The following DPF3 variants were observed in gnomAD, a reference collection of about 807,000 sequenced individuals.
DPF3 encodes double PHD fingers 3.
DPF3 carries 18 observed loss-of-function variants against 56.8 expected under a neutral mutation model. That is an observed-to-expected ratio of 0.32 (90% CI 0.22 to 0.47). The LOEUF is 0.47. DPF3 is among the 20% of genes least tolerant of loss of function. The pLI, the probability that DPF3 is intolerant of heterozygous loss-of-function variation, is 1.00. For missense variants in DPF3, 403 were observed against 488.8 expected (o/e 0.82, Z 1.65); for synonymous variants, 188 against 180.2 (o/e 1.04, Z -0.35).
intron 7 of DPF3, among the ~76,000 whole-genome samples, chr14:72,692,363 G>T (rs905099646): frequency 1.3e-5 from 2 of 152,196 alleles, no homozygotes; most frequent in Admixed American, 6.5e-5. Context: ...GACCATAAGG[G>T]ATGTTCTAGA....
At chr14:72,728,529 C>T (rs371785946) in intron 4 of DPF3, among the ~76,000 whole-genome samples, 4 of 152,122 alleles carry the variant, frequency 2.6e-5, no homozygotes, top group African/African-American at 9.7e-5. Context: ...TCATCCTTTT[C>T]GATTTATTTA....
At chr14:72,885,644 C>A (rs1643849533) in intron 1 of DPF3, among the ~76,000 whole-genome samples, 1 of 152,020 alleles carries the variant, frequency 6.6e-6, no homozygotes, top group African/African-American at 2.4e-5. Context: ...CTCAAGGGAT[C>A]CTCCTGCCTC....
Position 72,612,513 on chromosome 14 carries a change from C to A in DPF3, c.*6784G>T, listed in dbSNP as rs754042646. 1.9e-6 allele frequency: 1 copy of A among 518,618 alleles called. No individual in the cohort carries two copies. The allele number at this position is 518,618 out of a possible 1,614,324, so 32.1% of individuals were successfully genotyped here. A position where few individuals can be genotyped will look rare whatever the true frequency, so the allele number is the denominator to read the frequency against. On this transcript the variant is annotated 3_prime_UTR_variant, in exon 11 of 11. Coordinates refer to ENST00000556509, the MANE Select transcript of DPF3 (RefSeq NM_001280542.3). ...CGGGGTATATTTTCTTTTTCCTATA[C>A]GCCACTGTTGCTTCCCACTTCCCAC...
intron 1 of DPF3, among the ~76,000 whole-genome samples, chr14:72,860,209 G>A (rs1049624213): frequency 2.0e-5 from 3 of 152,050 alleles, no homozygotes; most frequent in Admixed American, 1.3e-4. Flanking sequence ...TTGAGACAGG[G>A]TCTCACCCTG....
intron 1 of DPF3, among the ~76,000 whole-genome samples, chr14:72,874,110 A>G (rs988458953): frequency 1.3e-5 from 2 of 151,514 alleles, no homozygotes; most frequent in South Asian, 2.1e-4. Context: ...GTACAAATTC[A>G]ACCTAAAACA....
intron 1 of DPF3, among the ~76,000 whole-genome samples, chr14:72,886,050 A>G (rs61988503): frequency 0.15 from 23,449 of 152,168 alleles, 2,401 homozygotes; most frequent in African/African-American, 0.29. Context: ...TGTTTAATGC[A>G]TACAAAGTTT....
At chr14:72,879,878 A>C in intron 1 of DPF3, 1 of 1,534,990 alleles carries the variant, frequency 6.5e-7, no homozygotes, top group South Asian at 1.2e-5. Context: ...AACCATAGGC[A>C]GATGTTCACA....
intron 1 of DPF3, among the ~76,000 whole-genome samples, chr14:72,775,240 AC>A: frequency 6.6e-6 from 1 of 152,218 alleles, no homozygotes; most frequent in Non-Finnish European, 1.5e-5. Flanking sequence ...CCCCAAAAAA[AC>A]AAAATGAAAA....
At chr14:72,824,256 G>A (rs80258523) in intron 1 of DPF3, among the ~76,000 whole-genome samples, 2 of 152,292 alleles carry the variant, frequency 1.3e-5, no homozygotes, top group Non-Finnish European at 2.9e-5. Flanking sequence ...GGGATTATTT[G>A]GTGCTGTATG....
chr14:72,760,064 T>A (rs1011908502), intron 2 of DPF3, among the ~76,000 whole-genome samples: 1 of 116,512 alleles, frequency 8.6e-6, no homozygotes, highest in Non-Finnish European at 1.9e-5. Flanking sequence ...GACCTAAATT[T>A]GGATCTACAC....
chr14:72,648,294 G>T (rs1885784476), intron 8 of DPF3, among the ~76,000 whole-genome samples: 1 of 152,166 alleles, frequency 6.6e-6, no homozygotes, highest in South Asian at 2.1e-4. Context: ...AGGCGTGGAG[G>T]CTCACGCCTC....
At chr14:72,892,420 C>CTCCT (rs1310166163) in intron 1 of DPF3, 1 of 1,479,606 alleles carries the variant, frequency 6.8e-7, no homozygotes, top group Non-Finnish European at 8.9e-7. Flanking sequence ...AAGCCAGGAG[C>CTCCT]TCCTATCTGA....
At chr14:72,670,635 T>A (rs200358708) in intron 8 of DPF3, 1 of 517,898 alleles carries the variant, frequency 1.9e-6, no homozygotes, top group Non-Finnish European at 2.5e-6. Flanking sequence ...TTGATTTCCC[T>A]TCTCTCTCTC....
chr14:72,801,527 T>C (rs11158980), intron 1 of DPF3, among the ~76,000 whole-genome samples: 23,301 of 152,188 alleles, frequency 0.15, 1,891 homozygotes, highest in Middle Eastern at 0.32. Flanking sequence ...GTTCAGGCAA[T>C]TGCTTAGAAA....
intron 6 of DPF3, among the ~76,000 whole-genome samples, chr14:72,706,101 G>T (rs908540401): frequency 6.6e-6 from 1 of 152,158 alleles, no homozygotes; most frequent in Admixed American, 6.5e-5. Context: ...GCACTTTTGT[G>T]GGAGTTAAAG....
chr14:72,723,462 C>T (rs1889266271), intron 5 of DPF3, among the ~76,000 whole-genome samples, 171 bp downstream of exon 5: 4 of 152,194 alleles, frequency 2.6e-5, no homozygotes, highest in Non-Finnish European at 1.5e-5. Context: ...CAGCTCTGAA[C>T]TCTTCCAGGC....
intron 1 of DPF3, among the ~76,000 whole-genome samples, chr14:72,853,674 C>T (rs916176817): frequency 2.6e-5 from 4 of 151,844 alleles, no homozygotes; most frequent in Non-Finnish European, 4.4e-5. Context: ...ACTATGTTGG[C>T]CAGGATGGTC....
intron 7 of DPF3, among the ~76,000 whole-genome samples, chr14:72,690,588 G>T (rs1010899751): frequency 7.0e-6 from 1 of 143,828 alleles, no homozygotes; most frequent in Admixed American, 7.8e-5. Context: ...TACACAACAC[G>T]TATACACACG....
At chr14:72,793,619 A>T (rs1168151938) in intron 1 of DPF3, among the ~76,000 whole-genome samples, 1 of 152,154 alleles carries the variant, frequency 6.6e-6, no homozygotes, top group Non-Finnish European at 1.5e-5. Context: ...GGCATCCAAC[A>T]TCCATCCTGA....
Sources: allele counts gnomAD v4.1 joint callset (sites outside exome capture counted in the v4.1 genomes callset), GRCh38; gene constraint gnomAD v4.1.1; transcripts MANE v1.5; gene names NCBI Gene and HGNC (gene_info 2026-07-23, HGNC 2026-07-21).